Variants in FAR1 observed in about 807,000 individuals in gnomAD.
The protein encoded by FAR1 is fatty acyl-CoA reductase 1, also known as male sterility domain-containing protein 2.
In FAR1, 22 loss-of-function variants were observed where a neutral mutation model predicts 61.1. That is an observed-to-expected ratio of 0.36 (90% CI 0.26 to 0.51). The LOEUF is 0.51. Ranked by LOEUF, FAR1 falls within the 20% of genes least tolerant of loss-of-function variation. FAR1 has a pLI of 0.95. For missense variants in FAR1, 359 were observed against 626.9 expected, an observed-to-expected ratio of 0.57 and a Z score of 4.56; for synonymous variants, 206 against 209.7, an observed-to-expected ratio of 0.98 and a Z score of 0.15.
Position 13,700,492 on chromosome 11 carries a change from G to T in FAR1, c.365G>T (p.Arg122Ile). Residue 122 changes from arginine to isoleucine, a missense_variant and splice_region_variant, in exon 3 of 12, where the codon AGA (arginine) becomes ATA (isoleucine). By Grantham distance (97) the Arg-to-Ile change is moderately conservative. Around this residue, in one of 2 missense-constraint regions of FAR1, gnomAD observed 344 missense variants for 570.3 expected, o/e 0.60. Transcript: ENST00000354817. ...ACAGTAAGGTTTAATGAAAATTTAAGGTAAGTACAAGTAATTATATAATAT... is the reference window on the plus strand; with the variant it reads ...ACAGTAAGGTTTAATGAAAATTTAATGTAAGTACAAGTAATTATATAATAT... Reference protein sequence around the residue: ...AATVRFNENLRDAVQLNVIAT... With the variant: ...AATVRFNENLIDAVQLNVIAT... The T allele has an allele frequency of 6.8e-7, 1 of 1,466,128 alleles. No individual in the cohort carries two copies. The highest frequency in any genetic ancestry group is 9.1e-7 in the Non-Finnish European group (1 of 1,099,658). The allele number at this position is 1,466,128 out of a possible 1,614,324, so 90.8% of individuals were successfully genotyped here. A position where few individuals can be genotyped will look rare whatever the true frequency, so the allele number is the denominator to read the frequency against.
chr11:13,717,060 A>G (rs1046049825), intron 9 of FAR1, among the ~76,000 whole-genome samples: 6 of 150,482 alleles, frequency 4.0e-5, no homozygotes, highest in African/African-American at 1.2e-4. Flanking sequence ...GGAAAGTACA[A>G]TCTGCTATAG....
intron 3 of FAR1, among the ~76,000 whole-genome samples, chr11:13,706,193 A>G (rs760999306): frequency 3.9e-5 from 6 of 152,116 alleles, no homozygotes; most frequent in Non-Finnish European, 7.4e-5. Flanking sequence ...CATAGTTATA[A>G]TTTTAGTGAT....
At chr11:13,722,737 C>G (rs1591272399) in intron 10 of FAR1, among the ~76,000 whole-genome samples, 2 of 151,818 alleles carry the variant, frequency 1.3e-5, no homozygotes, top group African/African-American at 4.8e-5. Context: ...TCAGCCTCCC[C>G]AAGTGCTGGG....
In FAR1 at chr11:13,699,033, G is replaced by GAT. The variant is rs539217277; in HGVS notation, c.190-1284_190-1283insAT. Among the ~76,000 whole-genome samples, 560 of 152,170 alleles carry GAT rather than the reference G, an allele frequency of 3.7e-3. 2 individuals carry two copies. Among genetic ancestry groups the GAT allele is most frequent in the African/African-American group, 0.013 (528 of 41,514 alleles). The stretch of plus-strand genomic sequence containing the variant: ...TATTAATGCCTTCTGATTTCTAAGG[G>GAT]GTTATACTGCTACTTCCTCTGCCTG... On this transcript the variant is annotated intron_variant, in intron 2 of 11. Coordinates refer to ENST00000354817, the MANE Select transcript of FAR1 (RefSeq NM_032228.6).
intron 1 of FAR1, chr11:13,669,340 G>C (rs1847968237): frequency 6.5e-6 from 1 of 152,696 alleles, no homozygotes; most frequent in Non-Finnish European, 1.5e-5. Flanking sequence ...GTGGAGATCA[G>C]CTGGGAGTGA....
chr11:13,701,378 A>G (rs77198155), intron 3 of FAR1, among the ~76,000 whole-genome samples: 4,376 of 152,154 alleles, frequency 0.029, 90 homozygotes, highest in Non-Finnish European at 0.04. Context: ...AAACACCGCT[A>G]TGTATCTCAT....
chr11:13,715,339 C>T (rs773224479), intron 9 of FAR1, among the ~76,000 whole-genome samples: 27 of 152,178 alleles, frequency 1.8e-4, no homozygotes, highest in African/African-American at 5.3e-4. Context: ...CGTATTGGGT[C>T]GTTCATCCTC....
intron 7 of FAR1, 83 bp from the exon 8 acceptor site, chr11:13,712,883 T>G (rs1027805402): frequency 7.0e-6 from 7 of 1,005,814 alleles, no homozygotes; most frequent in African/African-American, 3.2e-5. Context: ...CATCCTCATG[T>G]CTTCTTGAAT....
chr11:13,671,047 C>T (rs972804763), intron 1 of FAR1, among the ~76,000 whole-genome samples: 7 of 152,182 alleles, frequency 4.6e-5, no homozygotes, highest in Non-Finnish European at 8.8e-5. Context: ...TATTTATGAT[C>T]TAGAAACAAT....
chr11:13,707,820 C>A, intron 3 of FAR1, 80 bp from the exon 4 acceptor site: 1 of 1,072,904 alleles, frequency 9.3e-7, no homozygotes, highest in Non-Finnish European at 1.3e-6. Context: ...CTCTCTACTT[C>A]TCTAATGAAA....
chr11:13,714,976 G>T (rs1848539309), intron 9 of FAR1, among the ~76,000 whole-genome samples: 1 of 152,080 alleles, frequency 6.6e-6, no homozygotes, highest in Admixed American at 6.6e-5. Context: ...TTTCCTACAG[G>T]ATATTATGTA....
At position 13,721,887 on chromosome 11, in the gene FAR1, A is replaced by G; in HGVS notation, c.1257+28A>G. On this transcript the variant is annotated intron_variant, in intron 10 of 11. Coordinates refer to ENST00000354817, the MANE Select transcript of FAR1 (RefSeq NM_032228.6). The surrounding 1 kb of genome is among the most constrained non-coding windows in gnomAD (Gnocchi z 4.2). ...AAGCAAGTATTTTCTGTTTTATATT[A>G]GAAAATAAGTAGCATACTAATTACA... is the stretch of plus-strand genomic sequence containing the variant. 2 of 1,563,212 alleles carry G rather than the reference A, an allele frequency of 1.3e-6. No homozygotes were observed. The highest frequency in any genetic ancestry group is 1.4e-5 in the African/African-American group (1 of 72,878).
intron 1 of FAR1, among the ~76,000 whole-genome samples, chr11:13,672,683 C>T (rs927532578): frequency 1.3e-5 from 2 of 152,116 alleles, no homozygotes; most frequent in Non-Finnish European, 2.9e-5. Flanking sequence ...ATTTCAGTCC[C>T]TACTTGGTAA....
rs202050795 is a variant in FAR1 at position 13,700,499 on chromosome 11, A to G, written c.365+7A>G. On this transcript the variant is annotated splice_region_variant and intron_variant, in intron 3 of 11. Coordinates refer to ENST00000354817, the MANE Select transcript of FAR1 (RefSeq NM_032228.6). ...GGTTTAATGAAAATTTAAGGTAAGTACAAGTAATTATATAATATTTGAACT... is the reference window on the plus strand; with the variant it reads ...GGTTTAATGAAAATTTAAGGTAAGTGCAAGTAATTATATAATATTTGAACT... The G allele has an allele frequency of 7.0e-6, 10 of 1,429,860 alleles. No homozygotes were observed. Among genetic ancestry groups the G allele is most frequent in the Non-Finnish European group, 8.4e-6 (9 of 1,068,470 alleles). 88.6% of individuals were successfully genotyped at this position (1,429,860 alleles called of 1,614,324 possible).
chr11:13,683,383 A>G (rs1339844199), intron 1 of FAR1, among the ~76,000 whole-genome samples: 1 of 150,982 alleles, frequency 6.6e-6, no homozygotes, highest in Non-Finnish European at 1.5e-5. Flanking sequence ...ACAGAACAAG[A>G]CTCCATCTCA....
chr11:13,723,403 T>C (rs1216381906), intron 10 of FAR1: 1 of 418,608 alleles, frequency 2.4e-6, no homozygotes, highest in Non-Finnish European at 4.6e-6. Flanking sequence ...AAAACTTTTT[T>C]ATTTATATTC....
At chr11:13,722,662 C>T (rs139675237) in intron 10 of FAR1, among the ~76,000 whole-genome samples, 2,719 of 151,760 alleles carry the variant, frequency 0.018, 33 homozygotes, top group Non-Finnish European at 0.027. Context: ...TTAGTAGAGA[C>T]GGGGTTTCAC....
intron 2 of FAR1, among the ~76,000 whole-genome samples, chr11:13,698,040 T>TA (rs1474054503): frequency 6.6e-6 from 1 of 152,178 alleles, no homozygotes; most frequent in Non-Finnish European, 1.5e-5. Context: ...TTACTACCTG[T>TA]ATGTGGTTAG....
At chr11:13,682,677 T>G (rs1848141194) in intron 1 of FAR1, among the ~76,000 whole-genome samples, 1 of 152,194 alleles carries the variant, frequency 6.6e-6, no homozygotes, top group Non-Finnish European at 1.5e-5. Flanking sequence ...GGCACAATTA[T>G]GGCTAACTGT....
Sources: allele counts gnomAD v4.1 joint callset (sites outside exome capture counted in the v4.1 genomes callset), GRCh38; gene constraint gnomAD v4.1.1; regional missense constraint gnomAD v4.1.1; non-coding constraint Gnocchi (gnomAD v3.1); transcripts MANE v1.5; gene names NCBI Gene and HGNC (gene_info 2026-07-23, HGNC 2026-07-21).